Variants in KIRREL1 observed in about 807,000 individuals in gnomAD.
KIRREL1 encodes the protein kirre like nephrin family adhesion molecule 1, also known as kin of IRRE-like protein 1.
Under a neutral mutation model 83.3 loss-of-function variants are expected in KIRREL1, and 25 were observed. That is an observed-to-expected ratio of 0.30 (90% CI 0.22 to 0.42). The LOEUF (loss-of-function observed/expected upper bound fraction) is 0.42. Ranked by LOEUF, KIRREL1 falls within the 10% of genes least tolerant of loss-of-function variation. KIRREL1 has a pLI of 1.00. For synonymous variants in KIRREL1, 388 were observed against 410.4 expected (o/e 0.95, Z 0.66); for missense variants, 812 against 1,032.3 (o/e 0.79, Z 2.92).
chr1:158,008,148 C>CCGGCAG (rs1211462625), intron 1 of KIRREL1, among the ~76,000 whole-genome samples: 2 of 151,970 alleles, frequency 1.3e-5, no homozygotes, highest in East Asian at 3.9e-4. Context: ...CTGCTCCTAG[C>CCGGCAG]CGGCAGCGAG....
intron 1 of KIRREL1, among the ~76,000 whole-genome samples, chr1:158,017,787 A>AC (rs1659874826): frequency 6.7e-6 from 1 of 150,322 alleles, no homozygotes; most frequent in South Asian, 2.1e-4. Context: ...TTTCCTAATT[A>AC]CTTACAAGGA....
intron 3 of KIRREL1, among the ~76,000 whole-genome samples, chr1:158,083,152 A>G (rs1661913135): frequency 6.6e-6 from 1 of 152,210 alleles, no homozygotes; most frequent in Non-Finnish European, 1.5e-5. Flanking sequence ...CTTGTTTGCA[A>G]CATCATACAT....
At position 158,091,432 on chromosome 1, in the gene KIRREL1, C is replaced by A. The variant is rs1443708712; in HGVS notation, c.1347C>A (p.Gly449=). ...ERYTVERTNS[G]SGVLSTLTIN... ...ATACAGTGGAGAGGACCAACTCAGG[C>A]AGTGGGGTGCTATCCACGCTCACCA... is the stretch of plus-strand genomic sequence containing the variant. Residue 449 remains glycine (G), a synonymous_variant, in exon 11 of 15, where the codon GGC becomes GGA. Coordinates refer to ENST00000359209, the MANE Select transcript of KIRREL1 (RefSeq NM_018240.7). The A allele has an allele frequency of 2.5e-6, 4 of 1,613,974 alleles. No individual in the cohort carries two copies. The African/African-American group carries it at 4.0e-5, about 16-fold the overall frequency.
At chr1:158,023,940 ATTG>A (rs888491087) in intron 1 of KIRREL1, among the ~76,000 whole-genome samples, 6 of 151,952 alleles carry the variant, frequency 3.9e-5, no homozygotes, top group Non-Finnish European at 5.9e-5. Context: ...CAGGGTTTTT[ATTG>A]TTGTTGTTGT....
chr1:158,045,224 C>T (rs778516046), intron 1 of KIRREL1, among the ~76,000 whole-genome samples: 9 of 152,196 alleles, frequency 5.9e-5, no homozygotes, highest in Non-Finnish European at 1.0e-4. Flanking sequence ...GGGGCTACAA[C>T]ACTGCCATAC....
At chr1:158,016,659 CA>C (rs1659834288) in intron 1 of KIRREL1, among the ~76,000 whole-genome samples, 1 of 152,200 alleles carries the variant, frequency 6.6e-6, no homozygotes, top group Admixed American at 6.5e-5. Context: ...TCCCTGCTCA[CA>C]CCAGACTGAC....
chr1:158,096,779 G>A lies in KIRREL1; in HGVS notation c.*1659G>A, dbSNP rs1289725657. On this transcript the variant is annotated 3_prime_UTR_variant, in exon 15 of 15. Coordinates refer to ENST00000359209, the MANE Select transcript of KIRREL1 (RefSeq NM_018240.7). ...CAGCCTCGCCTTCCTAAAAAGCAGT[G>A]TCTGGAGTTGGCTGTTTCCCGCCTC... 1 of 456,734 alleles carries A rather than the reference G, an allele frequency of 2.2e-6. No homozygotes were observed. The highest frequency in any genetic ancestry group is 1.5e-5 in the South Asian group (1 of 64,568). The allele number at this position is 456,734 out of a possible 1,614,324, so 28.3% of individuals were successfully genotyped here. A position where few individuals can be genotyped will look rare whatever the true frequency, so the allele number is the denominator to read the frequency against.
intron 3 of KIRREL1, among the ~76,000 whole-genome samples, chr1:158,082,354 A>C (rs1383520031): frequency 6.6e-6 from 1 of 151,942 alleles, no homozygotes; most frequent in Non-Finnish European, 1.5e-5. Context: ...TTAGGAACTC[A>C]TCCGAGATCA....
At chr1:158,022,968 G>A (rs2101655630) in intron 1 of KIRREL1, among the ~76,000 whole-genome samples, 1 of 152,342 alleles carries the variant, frequency 6.6e-6, no homozygotes, top group Non-Finnish European at 1.5e-5. Flanking sequence ...CACCCTGGGT[G>A]ATGTGAGGGT....
rs565406457 is a variant in KIRREL1, at chr1:158,070,988, C to T, written c.53-5125C>T. Reference sequence around the variant, plus strand: ...GTAATTTCCTATCCAGTGAGAAAAACGGAGTGTCCAACCCTGGGGCAGGAG... The same window carrying T: ...GTAATTTCCTATCCAGTGAGAAAAATGGAGTGTCCAACCCTGGGGCAGGAG... On this transcript the variant is annotated intron_variant, in intron 1 of 14. Coordinates refer to ENST00000359209, the MANE Select transcript of KIRREL1 (RefSeq NM_018240.7). Among the ~76,000 whole-genome samples, 79 of 152,258 alleles carry T rather than the reference C, an allele frequency of 5.2e-4. No homozygotes were observed. In the South Asian group the frequency reaches 0.013, roughly 26 times the overall value.
chr1:157,994,329 C>T (rs752687769), intron 1 of KIRREL1, among the ~76,000 whole-genome samples: 6 of 140,328 alleles, frequency 4.3e-5, no homozygotes, highest in Admixed American at 7.5e-5. Context: ...CCCCTGCCCA[C>T]GGAGGCTCTG....
chr1:158,038,487 T>C (rs1660534725), intron 1 of KIRREL1, among the ~76,000 whole-genome samples: 1 of 1,980 alleles, frequency 5.1e-4, no homozygotes, highest in African/African-American at 1.1e-3. Context: ...CTCTTCCTCT[T>C]TTTTTTTTTT....
At chr1:158,017,077 T>G (rs975879625) in intron 1 of KIRREL1, among the ~76,000 whole-genome samples, 1 of 152,224 alleles carries the variant, frequency 6.6e-6, no homozygotes, top group African/African-American at 2.4e-5. Context: ...TGTTAGGCAC[T>G]GTTAGGTGCT....
intron 1 of KIRREL1, among the ~76,000 whole-genome samples, chr1:158,029,748 A>G (rs1660272458): frequency 6.6e-6 from 1 of 152,222 alleles, no homozygotes; most frequent in African/African-American, 2.4e-5. Flanking sequence ...GACATTGCAC[A>G]ATTTATCTGA....
chr1:158,079,855 C>T lies in KIRREL1; in HGVS notation c.352+1715C>T, dbSNP rs554634633. Among the ~76,000 whole-genome samples the T allele has an allele frequency of 3.9e-5, 6 of 152,290 alleles. No homozygotes were observed. In the East Asian group the frequency reaches 9.6e-4, roughly 24 times the overall value. On this transcript the variant is annotated intron_variant, in intron 3 of 14. Coordinates refer to ENST00000359209, the MANE Select transcript of KIRREL1 (RefSeq NM_018240.7). Reference sequence around the variant, plus strand: ...CAACTGCTGCTTTGCTTCATGGAGACTTGTAAACTGTGAAGGTCTGGGCGA... The same window carrying T: ...CAACTGCTGCTTTGCTTCATGGAGATTTGTAAACTGTGAAGGTCTGGGCGA...
intron 2 of KIRREL1, 126 bp downstream of exon 2, chr1:158,076,388 C>T (rs1661682763): frequency 6.0e-6 from 5 of 830,380 alleles, no homozygotes. Flanking sequence ...CACAGCCTCC[C>T]CTCTGTCTCT....
chr1:158,089,505 C>A lies in KIRREL1; in HGVS notation c.1048C>A (p.Leu350Met), dbSNP rs567539621. 6.2e-7 allele frequency: 1 copy of A among 1,614,200 alleles called. No homozygotes were observed. The highest frequency in any genetic ancestry group is 8.5e-7 in the Non-Finnish European group (1 of 1,180,038). ...TWTKKDSNMV[L>M]SNSNQLLLKS... is the part of the protein sequence containing the mutation. The stretch of plus-strand genomic sequence containing the variant: ...CGAGGCTGCTCTCTCTGCCCAGGTC[C>A]TGAGTAACAGCAACCAGCTGCTGCT... Residue 350 changes from leucine to methionine, a missense_variant, in exon 9 of 15, where the codon CTG (leucine) becomes ATG (methionine). Transcript: ENST00000359209.
intron 1 of KIRREL1, among the ~76,000 whole-genome samples, chr1:158,031,325 A>AC (rs1491299834): frequency 5.3e-5 from 8 of 149,976 alleles, no homozygotes; most frequent in East Asian, 2.0e-4. Flanking sequence ...CCCCTCCACT[A>AC]AACACACACA....
At chr1:157,998,907 C>G (rs1486055222) in intron 1 of KIRREL1, among the ~76,000 whole-genome samples, 1 of 152,168 alleles carries the variant, frequency 6.6e-6, no homozygotes, top group Admixed American at 6.5e-5. Context: ...TAATGTTACT[C>G]CCATTTTATA....
Sources: gnomAD v4.1 joint callset for allele counts (sites outside exome capture counted in the v4.1 genomes callset) on GRCh38, gnomAD v4.1.1 for gene constraint, MANE v1.5 for transcripts, NCBI Gene and HGNC (gene_info 2026-07-23, HGNC 2026-07-21) for gene names.